Variants in ZNF112 observed in about 807,000 individuals in gnomAD.
ZNF112 encodes zinc finger protein 112 (Y14).
A neutral mutation model predicts 77.7 loss-of-function variants in ZNF112; 37 were observed. The observed-to-expected ratio is 0.48, with a 90% CI of 0.37 to 0.63. The LOEUF is 0.63. Among genes scored for constraint, ZNF112 ranks in the 20% least tolerant of loss-of-function variants. The pLI, the probability that ZNF112 is intolerant of heterozygous loss-of-function variation, is 0.00. For missense variants in ZNF112, 950 were observed against 1,077.4 expected, an observed-to-expected ratio of 0.88 and a Z score of 1.66; for synonymous variants, 333 against 363.6, an observed-to-expected ratio of 0.92 and a Z score of 0.96.
chr19:44,335,668 G>A (rs1211536931), intron 3 of ZNF112, among the ~76,000 whole-genome samples: 1 of 152,122 alleles, frequency 6.6e-6, no homozygotes, highest in East Asian at 1.9e-4. Context: ...CATGTGGCCA[G>A]GAAAATCTAA....
At chr19:44,350,552 A>G (rs962373012) in intron 1 of ZNF112, among the ~76,000 whole-genome samples, 6 of 152,082 alleles carry the variant, frequency 3.9e-5, no homozygotes, top group Admixed American at 3.9e-4. Context: ...AAGGCAAAAC[A>G]GTACTTATTT....
At position 44,327,779 on chromosome 19, in the gene ZNF112, T is replaced by G. The variant is rs1970156235; in HGVS notation, c.2378A>C (p.His793Pro). Reference sequence around the variant, plus strand: ...ACATTTATAGGGTCTCCCTTCCACATGAACCCTTTGGTGTGCTTGAAGGCG... The same window carrying G: ...ACATTTATAGGGTCTCCCTTCCACAGGAACCCTTTGGTGTGCTTGAAGGCG... ...SSRLQAHQRV[H>P]VEGRPYKCEQ... The change falls in exon 4 of 4, where the codon CAT becomes CCT. Residue 793 changes from histidine (H) to proline (P), a missense_variant. By Grantham distance (77) the His-to-Pro change is moderately conservative. Around this residue, in one of 3 missense-constraint regions of ZNF112, gnomAD observed 373 missense variants for 482.8 expected, o/e 0.77. Transcript: ENST00000354340. 3.1e-6 allele frequency: 5 copies of G among 1,614,114 alleles called. No individual in the cohort carries two copies. The highest frequency in any genetic ancestry group is 3.4e-6 in the Non-Finnish European group (4 of 1,179,986).
intron 1 of ZNF112, among the ~76,000 whole-genome samples, chr19:44,355,945 C>T (rs1483855329): frequency 1.3e-5 from 2 of 152,184 alleles, no homozygotes; most frequent in African/African-American, 4.8e-5. Context: ...CCCTCCTTCT[C>T]CCTGCAGCCT....
At position 44,328,916 on chromosome 19, in the gene ZNF112, T is replaced by A; in HGVS notation, c.1241A>T (p.Tyr414Phe). ...TEEKLYTDIE[Y>F]GKSFICSSNL... The stretch of plus-strand genomic sequence containing the variant: ...TGAACTACAAATGAAACTCTTTCCA[T>A]ACTCTATATCTGTGTATAGTTTCTC... Residue 414 changes from tyrosine (Y) to phenylalanine (F), a missense_variant, in exon 4 of 4, where the codon TAT becomes TTT. By Grantham distance (22) the Tyr-to-Phe change is conservative. Coordinates refer to ENST00000354340, the MANE Select transcript of ZNF112 (RefSeq NM_013380.4). 6.2e-7 allele frequency: 1 copy of A among 1,614,014 alleles called. No individual in the cohort carries two copies. The highest frequency in any genetic ancestry group is 8.5e-7 in the Non-Finnish European group (1 of 1,179,998).
intron 2 of ZNF112, among the ~76,000 whole-genome samples, chr19:44,337,382 A>G (rs1311718245): frequency 1.8e-5 from 1 of 54,646 alleles, no homozygotes; most frequent in Non-Finnish European, 3.1e-5. Context: ...TATTTTATAT[A>G]TAATAATATA....
intron 3 of ZNF112, among the ~76,000 whole-genome samples, chr19:44,331,742 G>A (rs113261916): frequency 6.6e-5 from 10 of 152,146 alleles, no homozygotes; most frequent in African/African-American, 2.4e-4. Context: ...AAACATTGAT[G>A]AATAAATCAT....
chr19:44,366,592 C>T (rs1970906726), intron 1 of ZNF112, among the ~76,000 whole-genome samples: 1 of 152,082 alleles, frequency 6.6e-6, no homozygotes, highest in African/African-American at 2.4e-5. Context: ...CCCTCCTGCA[C>T]GAATCACAGA....
chr19:44,365,196 G>GT (rs1189421848), intron 1 of ZNF112, among the ~76,000 whole-genome samples: 1 of 152,126 alleles, frequency 6.6e-6, no homozygotes, highest in Non-Finnish European at 1.5e-5. Context: ...TCTCAAGCCT[G>GT]TAATCCCAGC....
chr19:44,365,108 G>T (rs1417700365), intron 1 of ZNF112, among the ~76,000 whole-genome samples: 1 of 151,898 alleles, frequency 6.6e-6, no homozygotes, highest in African/African-American at 2.4e-5. Context: ...CTCAATATTG[G>T]TTTTTTTATT....
At chr19:44,345,125 A>T (rs746793846) in intron 1 of ZNF112, among the ~76,000 whole-genome samples, 2 of 152,182 alleles carry the variant, frequency 1.3e-5, no homozygotes, top group Non-Finnish European at 2.9e-5. Context: ...CAATGCCCAG[A>T]CCCAAGTCCA....
At chr19:44,351,650 T>G (rs1339729950) in intron 1 of ZNF112, among the ~76,000 whole-genome samples, 3 of 152,024 alleles carry the variant, frequency 2.0e-5, no homozygotes, top group Non-Finnish European at 4.4e-5. Flanking sequence ...AGTACTGATA[T>G]TTCTAGTTAA....
At chr19:44,350,149 G>T (rs555362997) in intron 1 of ZNF112, among the ~76,000 whole-genome samples, 1 of 152,118 alleles carries the variant, frequency 6.6e-6, no homozygotes, top group South Asian at 2.1e-4. Context: ...GCAGAGGTTG[G>T]ATTTATAAAA....
At chr19:44,346,945 T>G (rs1013561548) in intron 1 of ZNF112, among the ~76,000 whole-genome samples, 9 of 152,230 alleles carry the variant, frequency 5.9e-5, no homozygotes, top group African/African-American at 2.2e-4. Flanking sequence ...GAGGTCAAGA[T>G]GTTAATAGTA....
At chr19:44,356,148 G>A (rs1288998005) in intron 1 of ZNF112, among the ~76,000 whole-genome samples, 1 of 152,154 alleles carries the variant, frequency 6.6e-6, no homozygotes, top group Admixed American at 6.5e-5. Context: ...GAAGCTTTCA[G>A]GGAACTGAGT....
Position 44,329,341 on chromosome 19 carries a change from C to A in ZNF112, c.816G>T (p.Gln272His), listed in dbSNP as rs1282163559. 1 of 1,613,838 alleles carries A rather than the reference C, an allele frequency of 6.2e-7. No homozygotes were observed. The highest frequency in any genetic ancestry group is 1.7e-5 in the Admixed American group (1 of 60,002). The change falls in exon 4 of 4, where the codon CAG becomes CAT. Residue 272 changes from glutamine (Q) to histidine (H), a missense_variant. Gln to His is a conservative substitution (Grantham distance 24). This residue lies in a region of ZNF112 where 560 missense variants were observed against 557.3 expected (regional missense o/e 1.00). Coordinates refer to ENST00000354340, the MANE Select transcript of ZNF112 (RefSeq NM_013380.4). ...SNDSSSEVHQQFHLEGKPYTY... is the reference protein window; with the variant it reads ...SNDSSSEVHQHFHLEGKPYTY... The stretch of plus-strand genomic sequence containing the variant: ...TATAGGGCTTCCCTTCCAAGTGGAA[C>A]TGCTGATGAACCTCAGAGCTGGAGT...
chr19:44,360,198 G>A (rs189067210), upstream of ZNF112, among the ~76,000 whole-genome samples: 15 of 151,416 alleles, frequency 9.9e-5, no homozygotes, highest in African/African-American at 3.6e-4. Context: ...GGAGATTGCA[G>A]TGAGCTGAGA....
At chr19:44,336,848 T>C in intron 2 of ZNF112, 130 bp from the exon 3 acceptor site, 1 of 655,202 alleles carries the variant, frequency 1.5e-6, no homozygotes, top group Non-Finnish European at 2.7e-6. Flanking sequence ...TACCTTCCAC[T>C]CACTATAAGA....
chr19:44,364,784 T>C (rs1970886792), intron 1 of ZNF112, among the ~76,000 whole-genome samples: 1 of 152,214 alleles, frequency 6.6e-6, no homozygotes, highest in Admixed American at 6.5e-5. Context: ...TAGATGAGAC[T>C]ACTATGGCCA....
chr19:44,358,156 G>GAAAAAAAAAAAA (rs59023124), upstream of ZNF112, among the ~76,000 whole-genome samples: 42 of 130,392 alleles, frequency 3.2e-4, 1 homozygote, highest in East Asian at 4.8e-4. Context: ...CGTCTCAAAA[G>GAAAAAAAAAAAA]AAAAAAAAAA....
Sources: allele counts gnomAD v4.1 joint callset (sites outside exome capture counted in the v4.1 genomes callset), GRCh38; gene constraint gnomAD v4.1.1; regional missense constraint gnomAD v4.1.1; transcripts MANE v1.5; gene names NCBI Gene and HGNC (gene_info 2026-07-23, HGNC 2026-07-21).